Variants in EML6 observed in about 807,000 individuals in gnomAD.
EML6 encodes echinoderm microtubule-associated protein-like 6.
In EML6, 154 loss-of-function variants were observed where a neutral mutation model predicts 240.1. That is an observed-to-expected ratio of 0.64 (90% CI 0.56 to 0.73). EML6 has a LOEUF of 0.73. Among genes scored for constraint, EML6 ranks in the 30% least tolerant of loss-of-function variants. The pLI is 0.00. For missense variants in EML6, 2,964 were observed against 2,474.6 expected, an observed-to-expected ratio of 1.20 and a Z score of -4.20; for synonymous variants, 1,148 against 899.0, an observed-to-expected ratio of 1.28 and a Z score of -4.95.
At chr2:54,963,452 C>T (rs1038229301) in intron 36 of EML6, among the ~76,000 whole-genome samples, 100 of 152,184 alleles carry the variant, frequency 6.6e-4, no homozygotes, top group African/African-American at 2.3e-3. Flanking sequence ...TTATTAACAT[C>T]GCTATTAGTA....
intron 2 of EML6, among the ~76,000 whole-genome samples, chr2:54,733,597 C>T (rs897102037): frequency 4.6e-5 from 7 of 152,172 alleles, no homozygotes; most frequent in Non-Finnish European, 1.0e-4. Flanking sequence ...CTGGACAATA[C>T]AGGCTTTTAT....
chr2:54,876,477 TCTC>T (rs930434245), intron 16 of EML6, among the ~76,000 whole-genome samples: 11 of 152,252 alleles, frequency 7.2e-5, no homozygotes, highest in Middle Eastern at 3.4e-3. Flanking sequence ...TTGCAGAAAT[TCTC>T]CTAAAATAAA....
chr2:54,839,119 A>G (rs973264772), intron 7 of EML6, among the ~76,000 whole-genome samples: 1 of 152,230 alleles, frequency 6.6e-6, no homozygotes, highest in African/African-American at 2.4e-5. Flanking sequence ...GGTTTGTGTC[A>G]GAAGTAGAAA....
At chr2:54,867,003 T>C (rs1573031411) in intron 14 of EML6, 119 bp downstream of exon 14, 1 of 594,922 alleles carries the variant, frequency 1.7e-6, no homozygotes, top group Admixed American at 2.9e-5. Flanking sequence ...CCTGGCTAGC[T>C]CTTCTCTGCA....
At chr2:54,764,844 C>G (rs1452088005) in intron 2 of EML6, among the ~76,000 whole-genome samples, 1 of 152,072 alleles carries the variant, frequency 6.6e-6, no homozygotes, top group Non-Finnish European at 1.5e-5. Context: ...CCTATTTAAC[C>G]TCTTCTATTT....
chr2:54,769,183 T>C (rs776561121), intron 2 of EML6, among the ~76,000 whole-genome samples: 3 of 152,208 alleles, frequency 2.0e-5, no homozygotes, highest in African/African-American at 7.2e-5. Context: ...AGTGTGCACC[T>C]GGTGGGTTGT....
chr2:54,725,418 C>T lies in EML6; in HGVS notation c.197+160C>T, dbSNP rs558905073. On this transcript the variant is annotated intron_variant, in intron 2 of 41. Transcript: ENST00000356458. The surrounding 1 kb of genome is among the most constrained non-coding windows in gnomAD (Gnocchi z 4.3). ...AGGGCTGCTGATTCTAGGGCCAGGG[C>T]AGAAACAGTGTGGGGAGTGTAGGTG... Among the ~76,000 whole-genome samples the T allele has an allele frequency of 1.3e-5, 2 of 152,264 alleles. No homozygotes were observed. The highest frequency in any genetic ancestry group is 1.3e-4 in the Admixed American group (2 of 15,296).
At chr2:54,783,164 T>G (rs1009495501) in intron 2 of EML6, among the ~76,000 whole-genome samples, 1 of 152,184 alleles carries the variant, frequency 6.6e-6, no homozygotes, top group Non-Finnish European at 1.5e-5. Flanking sequence ...ACATAGAAAA[T>G]GCTTTATTAC....
chr2:54,820,424 C>A lies in EML6; in HGVS notation c.487C>A (p.Pro163Thr). The A allele has an allele frequency of 6.5e-7, 1 of 1,550,240 alleles. No individual in the cohort carries two copies. Among genetic ancestry groups the A allele is most frequent in the Middle Eastern group, 1.7e-4 (1 of 5,994 alleles). ...IFDISWDPYQPNRVVSCGVKH... is the reference protein window; with the variant it reads ...IFDISWDPYQTNRVVSCGVKH... ...TGATATTTCCTGGGATCCATATCAG[C>A]CAAACAGAGTGGTTAGCTGTGGAGT... The change falls in exon 5 of 42, where the codon CCA (proline) becomes ACA (threonine). Residue 163 changes from proline (P) to threonine (T), a missense_variant. Coordinates refer to ENST00000356458, the MANE Select transcript of EML6 (RefSeq NM_001039753.4).
intron 18 of EML6, among the ~76,000 whole-genome samples, chr2:54,892,156 G>T (rs570273695): frequency 6.6e-6 from 1 of 152,256 alleles, no homozygotes; most frequent in African/African-American, 2.4e-5. Flanking sequence ...GATGCATATT[G>T]ATTGCTCTCT....
Position 54,968,146 on chromosome 2 carries a change from C to T in EML6, c.5616C>T (p.Val1872=). The T allele has an allele frequency of 1.3e-6, 2 of 1,551,370 alleles. No homozygotes were observed. Among genetic ancestry groups the T allele is most frequent in the Non-Finnish European group, 8.7e-7 (1 of 1,147,006 alleles). Residue 1872 remains valine (V), a synonymous_variant, in exon 40 of 42, where the codon GTC becomes GTT. Transcript: ENST00000356458. ...ASWTSVLGDE[V]IGIWPRNADK... ...GGAACAGCGTCCTGGGAGATGAAGT[C>T]ATTGGAATCTGGCCACGAAATGCAG...
chr2:54,858,601 G>A (rs1670512951), intron 11 of EML6, among the ~76,000 whole-genome samples: 1 of 152,208 alleles, frequency 6.6e-6, no homozygotes, highest in African/African-American at 2.4e-5. Context: ...GAGACCCAAT[G>A]CTTCCTTTCC....
intron 26 of EML6, among the ~76,000 whole-genome samples, chr2:54,927,814 G>A (rs1405435969): frequency 1.3e-5 from 2 of 152,280 alleles, no homozygotes; most frequent in African/African-American, 4.8e-5. Context: ...TCTAGCGTCT[G>A]TGGCAGAAAC....
At position 54,725,154 on chromosome 2, in the gene EML6, G is replaced by A. The variant is rs950669183; in HGVS notation, c.93G>A (p.Thr31=). Residue 31 remains threonine, a synonymous_variant, in exon 2 of 42, where the codon ACG becomes ACA. Coordinates refer to ENST00000356458, the MANE Select transcript of EML6 (RefSeq NM_001039753.4). This position sits in a 1 kb window ranked among gnomAD's most constrained non-coding sequence, Gnocchi z 4.3. ...AGTGCCGCAACAACCTGTACTACAC[G>A]GCAGGCAAGGAGGTGGTCTACTTTG... ...GHQCRNNLYY[T]AGKEVVYFVA... 8 of 1,535,906 alleles carry A rather than the reference G, an allele frequency of 5.2e-6. No homozygotes were observed. The highest frequency in any genetic ancestry group is 2.0e-5 in the Admixed American group (1 of 49,898).
At chr2:54,932,731 T>G (rs1674927236) in intron 28 of EML6, among the ~76,000 whole-genome samples, 1 of 152,210 alleles carries the variant, frequency 6.6e-6, no homozygotes, top group South Asian at 2.1e-4. Flanking sequence ...GGTGCCCAAA[T>G]CCTGTATTCA....
At chr2:54,805,018 G>T (rs997117091) in intron 2 of EML6, among the ~76,000 whole-genome samples, 2 of 152,138 alleles carry the variant, frequency 1.3e-5, no homozygotes, top group Non-Finnish European at 2.9e-5. Flanking sequence ...TTGTCAACTA[G>T]AAACAGTATG....
intron 28 of EML6, among the ~76,000 whole-genome samples, chr2:54,930,243 T>A (rs144876381): frequency 1.4e-4 from 22 of 152,276 alleles, no homozygotes; most frequent in Non-Finnish European, 2.6e-4. Flanking sequence ...CACCAAAATA[T>A]AATCATTTAA....
intron 16 of EML6, among the ~76,000 whole-genome samples, chr2:54,872,344 A>AT (rs1321678966): frequency 6.6e-6 from 1 of 152,138 alleles, no homozygotes; most frequent in Non-Finnish European, 1.5e-5. Flanking sequence ...TGATTTTATA[A>AT]TTTTTTTCTA....
At chr2:54,943,750 A>AT (rs1357901738) in intron 28 of EML6, among the ~76,000 whole-genome samples, 3 of 152,290 alleles carry the variant, frequency 2.0e-5, no homozygotes, top group African/African-American at 7.2e-5. Context: ...GGTGACATTG[A>AT]TTTTAACAAT....
Sources: allele counts gnomAD v4.1 joint callset (sites outside exome capture counted in the v4.1 genomes callset), GRCh38; gene constraint gnomAD v4.1.1; non-coding constraint Gnocchi (gnomAD v3.1); transcripts MANE v1.5; gene names NCBI Gene and HGNC (gene_info 2026-07-23, HGNC 2026-07-21).